Variants in IGSF9 observed in about 807,000 individuals in gnomAD.
The protein encoded by IGSF9 is protein turtle homolog A.
In IGSF9, 87 loss-of-function variants were observed where a neutral mutation model predicts 121.7. That is an observed-to-expected ratio of 0.71 (90% confidence interval 0.60 to 0.85). The LOEUF (loss-of-function observed/expected upper bound fraction) is 0.85. Among genes scored for constraint, IGSF9 ranks in the 40% least tolerant of loss-of-function variants. The pLI is 0.00. For missense variants in IGSF9, 1,462 were observed against 1,565.3 expected (o/e 0.93, Z 1.11); for synonymous variants, 640 against 648.4 (o/e 0.99, Z 0.20).
Position 159,927,468 on chromosome 1 carries a change from C to G in IGSF9, c.3417G>C (p.Glu1139Asp). ...LLNTAHVTGP[E>D]ARCAALREEF... is the part of the protein sequence containing the mutation. ...CCTCCCGAAGGGCAGCACAGCGGGC[C>G]TCAGGGCCAGTAACATGGGCAGTGT... Residue 1139 changes from glutamate to aspartate, a missense_variant, in exon 21 of 21, where the codon GAG (glutamate) becomes GAC (aspartate). Glu to Asp is a conservative substitution (Grantham distance 45, BLOSUM62 2). Around this residue, in one of 3 missense-constraint regions of IGSF9, gnomAD observed 808 missense variants for 815.2 expected, o/e 0.99. Transcript: ENST00000368094. 2 of 1,614,146 alleles carry G rather than the reference C, an allele frequency of 1.2e-6. No homozygotes were observed. The highest frequency in any genetic ancestry group is 1.6e-4 in the Middle Eastern group (1 of 6,062).
At chr1:159,937,542 A>G in intron 4 of IGSF9, 144 bp downstream of exon 4, 1 of 843,596 alleles carries the variant, frequency 1.2e-6, no homozygotes, top group East Asian at 2.6e-5. Context: ...TAAGTGAGCA[A>G]ACAAGGGCTC....
rs556630924 is a variant in IGSF9, at chr1:159,934,808, C to T, written c.688G>A (p.Val230Met). Residue 230 changes from valine (V) to methionine (M), a missense_variant, in exon 7 of 21, where the codon GTG (valine) becomes ATG (methionine). Val to Met is a conservative substitution (Grantham distance 21). Coordinates refer to ENST00000368094, the MANE Select transcript of IGSF9 (RefSeq NM_001135050.2). ...QLLVLGPPVIVVPPKNSTVNA... is the reference protein window; with the variant it reads ...QLLVLGPPVIMVPPKNSTVNA... ...ACTGTGCTGTTCTTGGGGGGCACCA[C>T]GATGACTGGGGGTCCTGTGGGATGC... 1.2e-5 allele frequency: 20 copies of T among 1,614,090 alleles called. 1 individual carries two copies. Among genetic ancestry groups the T allele is most frequent in the East Asian group, 6.7e-5 (3 of 44,882 alleles).
intron 2 of IGSF9, 93 bp downstream of exon 2, chr1:159,943,304 G>T: frequency 7.3e-7 from 1 of 1,368,674 alleles, no homozygotes; most frequent in South Asian, 1.5e-5. Flanking sequence ...TTCCTCCCCT[G>T]CCCTCACATG....
At position 159,928,743 on chromosome 1, in the gene IGSF9, CGGGCCAGACGCT is replaced by C. The variant is rs1557929954; in HGVS notation, c.2633_2644del (p.Gln878_Ala881del). 1 of 1,476,234 alleles carries C rather than the reference CGGGCCAGACGCT, an allele frequency of 6.8e-7. No individual in the cohort carries two copies. The highest frequency in any genetic ancestry group is 2.6e-5 in the Admixed American group (1 of 38,824). The allele number at this position is 1,476,234 out of a possible 1,614,324, so 91.4% of individuals were successfully genotyped here. ...GCTGCTGCTGCTACAGTCAAAGGAC[CGGGCCAGACGCT>C]GGGCTGGAGTCCGAGGTTCTGCCTG... On this transcript the variant is annotated inframe_deletion, in exon 19 of 21. Coordinates refer to ENST00000368094, the MANE Select transcript of IGSF9 (RefSeq NM_001135050.2).
In IGSF9 at chr1:159,934,673, G is replaced by A. The variant is rs1236253304; in HGVS notation, c.815+8C>T. The A allele has an allele frequency of 6.8e-6, 11 of 1,614,100 alleles. No individual in the cohort carries two copies. Among genetic ancestry groups the A allele is most frequent in the East Asian group, 2.2e-5 (1 of 44,902 alleles). On this transcript the variant is annotated splice_region_variant and intron_variant, in intron 7 of 20. Coordinates refer to ENST00000368094, the MANE Select transcript of IGSF9 (RefSeq NM_001135050.2). The stretch of plus-strand genomic sequence containing the variant: ...CCACCTCCACCTTCCTAATGAGGGT[G>A]ACCCCACCTAATGTGGAAGACATTG...
At position 159,932,858 on chromosome 1, in the gene IGSF9, A is replaced by G. The variant is rs921364674; in HGVS notation, c.1105-206T>C. 29 of 539,406 alleles carry G rather than the reference A, an allele frequency of 5.4e-5. No individual in the cohort carries two copies. The highest frequency in any genetic ancestry group is 9.0e-5 in the Non-Finnish European group (28 of 309,650). The allele number at this position is 539,406 out of a possible 1,614,324, so 33.4% of individuals were successfully genotyped here. On this transcript the variant is annotated intron_variant, in intron 9 of 20. Transcript: ENST00000368094. The surrounding 1 kb of genome is among the most constrained non-coding windows in gnomAD (Gnocchi z 4.1). ...CCCCTCCCAATAGTGTGAGGCTGTG[A>G]CTGCACAACTCCAGGGGGTGCCACT...
intron 18 of IGSF9, 139 bp downstream of exon 18, chr1:159,929,212 C>A: frequency 7.6e-7 from 1 of 1,309,354 alleles, no homozygotes; most frequent in South Asian, 1.2e-5. Context: ...GGCCACTGCA[C>A]ACCCCTTCTT....
rs745508540 is a variant in IGSF9 at position 159,930,919 on chromosome 1, G to A, written c.1638-52C>T. 2.6e-6 allele frequency: 4 copies of A among 1,521,532 alleles called. No homozygotes were observed. The Admixed American group carries it at 6.6e-5, about 25-fold the overall frequency. The allele number at this position is 1,521,532 out of a possible 1,614,324, so 94.3% of individuals were successfully genotyped here. On this transcript the variant is annotated intron_variant, in intron 13 of 20. Transcript: ENST00000368094. ...ACCTCGTGAGCTAGGAAGACCAGAAGATCTGGGGTCCAGAGATCTAACCAC... is the reference window on the plus strand; with the variant it reads ...ACCTCGTGAGCTAGGAAGACCAGAAAATCTGGGGTCCAGAGATCTAACCAC...
intron 17 of IGSF9, 60 bp downstream of exon 17, chr1:159,929,578 G>C: frequency 3.3e-6 from 5 of 1,536,586 alleles, no homozygotes; most frequent in Non-Finnish European, 4.4e-6. Context: ...CCAGGTAGGA[G>C]GGGCTTAAGG....
At chr1:159,929,502 G>A in intron 17 of IGSF9, 109 bp from the exon 18 acceptor site, 2 of 1,502,678 alleles carry the variant, frequency 1.3e-6, no homozygotes, top group Non-Finnish European at 1.8e-6. Flanking sequence ...TGGGAAAAGC[G>A]TAGGCAGGAC....
At position 159,943,033 on chromosome 1, in the gene IGSF9, G is replaced by A; in HGVS notation, c.177C>T (p.Arg59=). ...RPPLHVIEWL[R]FGFLLPIFIQ... ...TGAAGATGGGAAGCAGGAATCCAAA[G>A]CGCAGCCACTCGATGACATGCAGGG... The change falls in exon 3 of 21, where the codon CGC becomes CGT. Residue 59 remains arginine, a synonymous_variant. Transcript: ENST00000368094. The A allele has an allele frequency of 6.2e-7, 1 of 1,613,414 alleles. No homozygotes were observed. The highest frequency in any genetic ancestry group is 1.1e-5 in the South Asian group (1 of 90,966).
Position 159,929,674 on chromosome 1 carries a change from T to G in IGSF9, c.2290A>C (p.Arg764=). The change falls in exon 17 of 21, where the codon AGG becomes CGG. Residue 764 remains arginine, a synonymous_variant. Coordinates refer to ENST00000368094, the MANE Select transcript of IGSF9 (RefSeq NM_001135050.2). ...ILAGCLLNRR[R]AARRRRKRLR... is the part of the protein sequence containing the mutation. ...CGCTTGCGGCGGCGGCGGGCAGCCC[T>G]GCGCCGGTTCAGGAGGCAGCCGGCC... 1 of 1,595,620 alleles carries G rather than the reference T, an allele frequency of 6.3e-7. No homozygotes were observed. The highest frequency in any genetic ancestry group is 1.3e-5 in the African/African-American group (1 of 74,854).
In IGSF9 at chr1:159,934,183, C is replaced by T; in HGVS notation, c.1104+7G>A. Reference sequence around the variant, plus strand: ...AAGACCCTCCTTCCCCTGCCCCAAGCCTGTACCTTGTCCAGCTGCAGGGCC... The same window carrying T: ...AAGACCCTCCTTCCCCTGCCCCAAGTCTGTACCTTGTCCAGCTGCAGGGCC... On this transcript the variant is annotated splice_region_variant and intron_variant, in intron 9 of 20. Coordinates refer to ENST00000368094, the MANE Select transcript of IGSF9 (RefSeq NM_001135050.2). 6.2e-7 allele frequency: 1 copy of T among 1,611,004 alleles called. No individual in the cohort carries two copies. Among genetic ancestry groups the T allele is most frequent in the Non-Finnish European group, 8.5e-7 (1 of 1,178,656 alleles).
rs542468387 is a variant in IGSF9 at position 159,930,101 on chromosome 1, T to A, written c.2064+88A>T. On this transcript the variant is annotated intron_variant, in intron 15 of 20. Transcript: ENST00000368094. ...AGGACGCAGAGGTGAAGAGCTCAAATCAAGATGAGAAGATAGAGTTTGGGG... is the reference window on the plus strand; with the variant it reads ...AGGACGCAGAGGTGAAGAGCTCAAAACAAGATGAGAAGATAGAGTTTGGGG... 1.9e-6 allele frequency: 3 copies of A among 1,549,656 alleles called. No individual in the cohort carries two copies. The East Asian group carries it at 6.8e-5, about 35-fold the overall frequency.
chr1:159,928,979 C>T lies in IGSF9; in HGVS notation c.2409G>A (p.Lys803=), dbSNP rs1313372932. ...GGACTGGGGATCCCTGGAGCTTCAGCTTCGCCACGCTGTCAGGACTGCCTG... is the reference window on the plus strand; with the variant it reads ...GGACTGGGGATCCCTGGAGCTTCAGTTTCGCCACGCTGTCAGGACTGCCTG... The part of the protein sequence containing the change: ...LGSGSPDSVA[K]LKLQGSPVPS... The change falls in exon 19 of 21, where the codon AAG becomes AAA. Residue 803 remains lysine, a synonymous_variant. Transcript: ENST00000368094. 1 of 1,518,368 alleles carries T rather than the reference C, an allele frequency of 6.6e-7. No individual in the cohort carries two copies. The allele number at this position is 1,518,368 out of a possible 1,614,324, so 94.1% of individuals were successfully genotyped here. A position where few individuals can be genotyped will look rare whatever the true frequency, so the allele number is the denominator to read the frequency against.
At chr1:159,930,925 G>A in intron 13 of IGSF9, 58 bp from the exon 14 acceptor site, 1 of 1,509,314 alleles carries the variant, frequency 6.6e-7, no homozygotes, top group Non-Finnish European at 8.9e-7. Context: ...AGAAGATCTG[G>A]GGTCCAGAGA....
Position 159,934,405 on chromosome 1 carries a change from G to A in IGSF9, c.961+20C>T, listed in dbSNP as rs1449126690. ...CAGGGGAAGGGAGCAGGCTGAGGGAGAAGCTGGGGTCAGGCTTACAGAGCA... is the reference window on the plus strand; with the variant it reads ...CAGGGGAAGGGAGCAGGCTGAGGGAAAAGCTGGGGTCAGGCTTACAGAGCA... On this transcript the variant is annotated intron_variant, in intron 8 of 20. Transcript: ENST00000368094. 1.3e-6 allele frequency: 2 copies of A among 1,571,244 alleles called. No homozygotes were observed. Among genetic ancestry groups the A allele is most frequent in the Non-Finnish European group, 1.7e-6 (2 of 1,157,972 alleles).
chr1:159,944,266 C>T (rs1010252897), intron 1 of IGSF9, among the ~76,000 whole-genome samples: 5 of 152,130 alleles, frequency 3.3e-5, no homozygotes, highest in East Asian at 1.9e-4. Context: ...GCTGAGGACC[C>T]GAGGCCTTTC....
intron 13 of IGSF9, 21 bp from the exon 14 acceptor site, chr1:159,930,888 G>T: frequency 6.3e-7 from 1 of 1,582,364 alleles, no homozygotes; most frequent in South Asian, 1.1e-5. Context: ...TGAGGACATG[G>T]GGGGCACCTC....
Sources: allele counts gnomAD v4.1 joint callset (sites outside exome capture counted in the v4.1 genomes callset), GRCh38; gene constraint gnomAD v4.1.1; regional missense constraint gnomAD v4.1.1; non-coding constraint Gnocchi (gnomAD v3.1); transcripts MANE v1.5; gene names NCBI Gene and HGNC (gene_info 2026-07-23, HGNC 2026-07-21).